The following GPD2 variants were observed in gnomAD, a reference collection of about 807,000 sequenced individuals.
The protein encoded by GPD2 is glycerol-3-phosphate dehydrogenase 2.
GPD2 carries 54 observed loss-of-function variants against 82.4 expected under a neutral mutation model. The observed-to-expected ratio is 0.66, with a 90% CI of 0.53 to 0.82. The LOEUF (loss-of-function observed/expected upper bound fraction) is 0.82. Among genes scored for constraint, GPD2 ranks in the 40% least tolerant of loss-of-function variants. The pLI, the probability that GPD2 is intolerant of heterozygous loss-of-function variation, is 0.00. For synonymous variants in GPD2, 288 were observed against 306.1 expected (o/e 0.94, Z 0.62); for missense variants, 748 against 896.2 (o/e 0.83, Z 2.11).
chr2:156,549,780 A>T lies in GPD2; in HGVS notation c.826+8A>T. ...GCAAGGATGTCCTCACAGGTATGCC[A>T]GGTATCTGGGAGGGAGGTATTTCTT... On this transcript the variant is annotated splice_region_variant and intron_variant, in intron 7 of 16. Transcript: ENST00000438166. The T allele has an allele frequency of 6.2e-7, 1 of 1,607,100 alleles. No homozygotes were observed. Among genetic ancestry groups the T allele is most frequent in the Non-Finnish European group, 8.5e-7 (1 of 1,173,740 alleles).
intron 6 of GPD2, among the ~76,000 whole-genome samples, chr2:156,524,387 G>C (rs1342234746): frequency 6.6e-6 from 1 of 152,164 alleles, no homozygotes; most frequent in Non-Finnish European, 1.5e-5. Context: ...GTTGTCACTT[G>C]GGGTCCTTCT....
intron 9 of GPD2, among the ~76,000 whole-genome samples, chr2:156,562,126 G>A (rs1445092918): frequency 6.6e-6 from 1 of 152,182 alleles, no homozygotes; most frequent in African/African-American, 2.4e-5. Flanking sequence ...GACTTAACAG[G>A]ATTGAGAGAG....
At chr2:156,430,143 G>A in the GPD2 span, among the ~76,000 whole-genome samples, 1 of 152,112 alleles carries the variant, frequency 6.6e-6, no homozygotes, top group African/African-American at 2.4e-5. Context: ...TCAGAACAAA[G>A]TGTTTTGGCA....
chr2:156,569,268 C>A, intron 10 of GPD2, 95 bp from the exon 11 acceptor site: 1 of 844,810 alleles, frequency 1.2e-6, no homozygotes, highest in Non-Finnish European at 2.0e-6. Flanking sequence ...TTACAAACAA[C>A]AGGAAAATTT....
intron 3 of GPD2, among the ~76,000 whole-genome samples, chr2:156,506,650 T>C (rs1684794373): frequency 6.6e-6 from 1 of 152,054 alleles, no homozygotes; most frequent in African/African-American, 2.4e-5. Flanking sequence ...TATATCACCC[T>C]TCAATACCAT....
chr2:156,502,861 C>T (rs538283936), intron 3 of GPD2, among the ~76,000 whole-genome samples: 45 of 78,018 alleles, frequency 5.8e-4, no homozygotes, highest in Middle Eastern at 0.01. Flanking sequence ...AATCCATTTA[C>T]ATTTTTTTTA....
At chr2:156,509,518 T>G (rs1684907913) in intron 3 of GPD2, among the ~76,000 whole-genome samples, 1 of 152,126 alleles carries the variant, frequency 6.6e-6, no homozygotes, top group African/African-American at 2.4e-5. Context: ...CCATGAAAAC[T>G]CCTCATGGCT....
the GPD2 span, among the ~76,000 whole-genome samples, chr2:156,400,794 C>G: frequency 1.3e-5 from 2 of 152,216 alleles, no homozygotes; most frequent in Non-Finnish European, 1.5e-5. Context: ...TGGTAGAGCG[C>G]GCGCTTCGCA....
At chr2:156,569,111 G>A (rs1359363224) in intron 10 of GPD2, 152 bp downstream of exon 10, 2 of 717,006 alleles carry the variant, frequency 2.8e-6, no homozygotes, top group Non-Finnish European at 2.4e-6. Context: ...TTACAGGCAT[G>A]AGCCACTACA....
At chr2:156,503,989 T>C (rs185693085) in intron 3 of GPD2, among the ~76,000 whole-genome samples, 288 of 152,300 alleles carry the variant, frequency 1.9e-3, no homozygotes, top group African/African-American at 6.5e-3. Flanking sequence ...TGTTACAGCC[T>C]AGTACAGTTT....
chr2:156,410,545 A>C, the GPD2 span, among the ~76,000 whole-genome samples: 2 of 152,086 alleles, frequency 1.3e-5, no homozygotes, highest in Non-Finnish European at 2.9e-5. Flanking sequence ...AGATTACCAT[A>C]TTTTTTCTAG....
chr2:156,544,152 C>G (rs1446154722), intron 6 of GPD2, among the ~76,000 whole-genome samples: 1 of 152,128 alleles, frequency 6.6e-6, no homozygotes, highest in African/African-American at 2.4e-5. Context: ...TTTCTGTTCT[C>G]CATTGAACTT....
chr2:156,420,159 T>C, the GPD2 span, among the ~76,000 whole-genome samples: 1 of 152,192 alleles, frequency 6.6e-6, no homozygotes. Flanking sequence ...ATGAAATACA[T>C]ATCTCTATCA....
intron 6 of GPD2, among the ~76,000 whole-genome samples, chr2:156,549,225 C>G (rs1686660756): frequency 1.3e-5 from 2 of 152,146 alleles, no homozygotes; most frequent in South Asian, 4.2e-4. Context: ...GTTGGGGTGT[C>G]AAATATTCTA....
chr2:156,528,477 G>A (rs569931237), intron 6 of GPD2, among the ~76,000 whole-genome samples: 1 of 150,804 alleles, frequency 6.6e-6, no homozygotes, highest in South Asian at 2.1e-4. Flanking sequence ...TAGGGTACAT[G>A]TGCACAATGT....
In GPD2 at chr2:156,582,733, C is replaced by T. The variant is rs781745818; in HGVS notation, c.2059-60C>T. ...TGCTGCAATTCTAACGATTATGATG[C>T]CATGAAGAAGAGAGTAAGTTGGCCT... is the stretch of plus-strand genomic sequence containing the variant. On this transcript the variant is annotated intron_variant, in intron 16 of 16. Transcript: ENST00000438166. 4.5e-4 allele frequency: 703 copies of T among 1,577,866 alleles called. 2 individuals are homozygous for T. Among genetic ancestry groups the T allele is most frequent in the Non-Finnish European group, 4.7e-4 (539 of 1,148,754 alleles).
At chr2:156,478,117 T>C (rs954615685) in intron 2 of GPD2, among the ~76,000 whole-genome samples, 6 of 152,158 alleles carry the variant, frequency 3.9e-5, no homozygotes, top group Non-Finnish European at 7.4e-5. Flanking sequence ...GATTTCTCTC[T>C]AATAATTGAT....
Position 156,584,494 on chromosome 2 carries a change from G to A in GPD2, c.*1576G>A, listed in dbSNP as rs1688145020. 6.6e-6 allele frequency: 1 copy of A among 152,292 alleles called. No homozygotes were observed. Among genetic ancestry groups the A allele is most frequent in the Non-Finnish European group, 1.5e-5 (1 of 67,928 alleles). 9.4% of individuals were successfully genotyped at this position (152,292 alleles called of 1,614,324 possible). On this transcript the variant is annotated 3_prime_UTR_variant, in exon 17 of 17. Transcript: ENST00000438166. ...TGTATGTCACAATGTAAACACTGGA[G>A]GTTCACTCACCTACGCACTCACCCA... is the stretch of plus-strand genomic sequence containing the variant.
rs1688170648 is a variant in GPD2, at chr2:156,585,183, CTTAA to C, written c.*2270_*2273del. 6.6e-6 allele frequency: 1 copy of C among 152,306 alleles called. No individual in the cohort carries two copies. Among genetic ancestry groups the C allele is most frequent in the African/African-American group, 2.4e-5 (1 of 41,398 alleles). 9.4% of individuals were successfully genotyped at this position (152,306 alleles called of 1,614,324 possible). ...AGCACCCCAGCATTTTGTATAAGCT[CTTAA>C]TTAAACCTGTACAGCTTCTTTACCT... On this transcript the variant is annotated 3_prime_UTR_variant, in exon 17 of 17. Coordinates refer to ENST00000438166, the MANE Select transcript of GPD2 (RefSeq NM_000408.5).
Sources: allele counts gnomAD v4.1 joint callset (sites outside exome capture counted in the v4.1 genomes callset), GRCh38; gene constraint gnomAD v4.1.1; transcripts MANE v1.5; gene names NCBI Gene and HGNC (gene_info 2026-07-23, HGNC 2026-07-21).